The following CSNK2A2IP variants were observed in gnomAD, a reference collection of about 807,000 sequenced individuals.
CSNK2A2IP encodes the protein casein kinase II subunit alpha'-interacting protein.
At chr3:88,427,426 A>G in the CSNK2A2IP span, among the ~76,000 whole-genome samples, 2 of 152,236 alleles carry the variant, frequency 1.3e-5, no homozygotes, top group African/African-American at 4.8e-5. Flanking sequence ...AAATTTGCAT[A>G]AGTAACAAGG....
chr3:88,454,897 C>T, the CSNK2A2IP span, among the ~76,000 whole-genome samples: 1,308 of 151,970 alleles, frequency 8.6e-3, 15 homozygotes, highest in African/African-American at 0.029. Flanking sequence ...TTTCCCTTAT[C>T]CCTTAGTCCT....
At chr3:88,356,176 C>T in the CSNK2A2IP span, among the ~76,000 whole-genome samples, 1 of 152,176 alleles carries the variant, frequency 6.6e-6, no homozygotes, top group East Asian at 1.9e-4. Flanking sequence ...TGCTACTGAA[C>T]ACTAGAACTT....
At chr3:88,346,943 T>A in the CSNK2A2IP span, among the ~76,000 whole-genome samples, 3 of 152,020 alleles carry the variant, frequency 2.0e-5, no homozygotes, top group Non-Finnish European at 4.4e-5. Context: ...TCATTCTAGA[T>A]GTCATTGAGA....
the CSNK2A2IP span, among the ~76,000 whole-genome samples, chr3:88,341,984 T>C: frequency 6.6e-6 from 1 of 152,044 alleles, no homozygotes; most frequent in Non-Finnish European, 1.5e-5. Flanking sequence ...ATCTAAGTCA[T>C]GAAACGGATC....
At chr3:88,376,193 G>A in the CSNK2A2IP span, among the ~76,000 whole-genome samples, 33 of 151,460 alleles carry the variant, frequency 2.2e-4, no homozygotes, top group African/African-American at 7.3e-4. Context: ...ATATTGGTGT[G>A]CTCTGTGATT....
At chr3:88,367,253 T>A in the CSNK2A2IP span, among the ~76,000 whole-genome samples, 1 of 151,976 alleles carries the variant, frequency 6.6e-6, no homozygotes, top group Admixed American at 6.6e-5. Flanking sequence ...AAAAGAAGAG[T>A]CAAATAGTTT....
chr3:88,438,530 G>A, the CSNK2A2IP span, among the ~76,000 whole-genome samples: 1 of 152,142 alleles, frequency 6.6e-6, no homozygotes, highest in Non-Finnish European at 1.5e-5. Flanking sequence ...CCTACCTTGT[G>A]TGAAAGTAGA....
At chr3:88,405,659 AAGT>A in the CSNK2A2IP span, among the ~76,000 whole-genome samples, 1 of 152,160 alleles carries the variant, frequency 6.6e-6, no homozygotes, top group Non-Finnish European at 1.5e-5. Context: ...CTACCTTGAT[AAGT>A]AGTGCATTTA....
the CSNK2A2IP span, among the ~76,000 whole-genome samples, chr3:88,433,049 A>C: frequency 6.6e-6 from 1 of 151,942 alleles, no homozygotes; most frequent in Non-Finnish European, 1.5e-5. Context: ...ATACTGAATT[A>C]TACTATTATC....
At chr3:88,434,982 C>T in the CSNK2A2IP span, among the ~76,000 whole-genome samples, 1 of 152,104 alleles carries the variant, frequency 6.6e-6, no homozygotes, top group African/African-American at 2.4e-5. Context: ...CTCTCCCCTG[C>T]CCCCGCAAAG....
At chr3:88,458,559 G>C in the CSNK2A2IP span, among the ~76,000 whole-genome samples, 1 of 151,744 alleles carries the variant, frequency 6.6e-6, no homozygotes, top group Admixed American at 6.6e-5. Context: ...CATCTCATTG[G>C]CTTCTCCTTT....
At chr3:88,424,203 T>A in the CSNK2A2IP span, among the ~76,000 whole-genome samples, 31 of 152,356 alleles carry the variant, frequency 2.0e-4, no homozygotes, top group African/African-American at 7.2e-4. Flanking sequence ...ATTGAACTCA[T>A]AATCTTTGTA....
the CSNK2A2IP span, among the ~76,000 whole-genome samples, chr3:88,377,985 C>T: frequency 1.3e-5 from 2 of 151,776 alleles, no homozygotes; most frequent in African/African-American, 2.4e-5. Context: ...TTTCATTTTT[C>T]ACATACCTCA....
At chr3:88,367,056 G>A in the CSNK2A2IP span, among the ~76,000 whole-genome samples, 1 of 152,038 alleles carries the variant, frequency 6.6e-6, no homozygotes, top group Non-Finnish European at 1.5e-5. Context: ...CACAATACAT[G>A]GGAATTATGG....
the CSNK2A2IP span, among the ~76,000 whole-genome samples, chr3:88,382,023 C>A: frequency 6.6e-6 from 1 of 152,214 alleles, no homozygotes; most frequent in Non-Finnish European, 1.5e-5. Context: ...AAAGTGACCA[C>A]AGGCAACCAC....
the CSNK2A2IP span, among the ~76,000 whole-genome samples, chr3:88,352,972 TA>T: frequency 2.0e-5 from 3 of 152,290 alleles, no homozygotes; most frequent in South Asian, 6.2e-4. Flanking sequence ...ACCAGCTTAG[TA>T]AACTCAGACT....
chr3:88,361,798 CT>C, the CSNK2A2IP span, among the ~76,000 whole-genome samples: 138 of 151,886 alleles, frequency 9.1e-4, no homozygotes, highest in African/African-American at 3.0e-3. Flanking sequence ...TTTCATTTTT[CT>C]TTTTTTCTCC....
chr3:88,418,579 G>A, the CSNK2A2IP span, among the ~76,000 whole-genome samples: 1 of 151,934 alleles, frequency 6.6e-6, no homozygotes, highest in African/African-American at 2.4e-5. Context: ...GCCATTGACA[G>A]GAGGTAAGGG....
At chr3:88,446,074 CTTTCTTTCTTTCTTTCTTTCTTTCTTTT>C in the CSNK2A2IP span, among the ~76,000 whole-genome samples, 88 of 107,278 alleles carry the variant, frequency 8.2e-4, no homozygotes, top group Non-Finnish European at 1.3e-3. Flanking sequence ...TTCTTTCTTT[CTTTCTTTCTTTCTTTCTTTCTTTCTTTT>C]TTTCTTTCTT....
Sources: allele counts gnomAD v4.1 joint callset (sites outside exome capture counted in the v4.1 genomes callset), GRCh38; gene constraint gnomAD v4.1.1; transcripts MANE v1.5; gene names NCBI Gene and HGNC (gene_info 2026-07-23, HGNC 2026-07-21).